Variants in AGPAT4 observed in about 807,000 individuals in gnomAD.
AGPAT4 encodes 1-acyl-sn-glycerol-3-phosphate acyltransferase delta.
In AGPAT4, 15 loss-of-function variants were observed where a neutral mutation model predicts 48.0. That is an observed-to-expected ratio of 0.31 (90% confidence interval 0.21 to 0.48). AGPAT4 has a LOEUF of 0.48. Among genes scored for constraint, AGPAT4 ranks in the 20% least tolerant of loss-of-function variants. The probability of loss-of-function intolerance (pLI) is 0.99; values close to 1 mark genes in which losing one functional copy is unlikely to be tolerated. For missense variants in AGPAT4, 314 were observed against 482.5 expected, an observed-to-expected ratio of 0.65 and a Z score of 3.27; for synonymous variants, 178 against 198.7, an observed-to-expected ratio of 0.90 and a Z score of 0.88.
rs150825992 is a variant in AGPAT4, at chr6:161,154,263, G to A, written c.396C>T (p.Ile132=). 17 of 1,614,010 alleles carry A rather than the reference G, an allele frequency of 1.1e-5. No individual in the cohort carries two copies. Among genetic ancestry groups the A allele is most frequent in the African/African-American group, 4.0e-5 (3 of 74,912 alleles). The part of the protein sequence containing the change: ...AKKELAYVPI[I]GWMWYFTEMV... ...TCTCGGTGAAGTACCACATCCAGCC[G>A]ATAATTGGGACATAGGCCAGCTCTT... The change falls in exon 4 of 9, where the codon ATC becomes ATT. Residue 132 remains isoleucine, a synonymous_variant. Coordinates refer to ENST00000320285, the MANE Select transcript of AGPAT4 (RefSeq NM_020133.3). This position sits in a 1 kb window ranked among gnomAD's most constrained non-coding sequence, Gnocchi z 7.8.
rs753160701 is a variant in AGPAT4 at position 161,148,436 on chromosome 6, G to C, written c.767+751C>G. Among the ~76,000 whole-genome samples the C allele has an allele frequency of 5.9e-5, 9 of 152,180 alleles. No individual in the cohort carries two copies. Among genetic ancestry groups the C allele is most frequent in the Non-Finnish European group, 1.3e-4 (9 of 68,032 alleles). On this transcript the variant is annotated intron_variant, in intron 6 of 8. Coordinates refer to ENST00000320285, the MANE Select transcript of AGPAT4 (RefSeq NM_020133.3). This position sits in a 1 kb window ranked among gnomAD's most constrained non-coding sequence, Gnocchi z 5.5. ...GGAATGTAGGGCCCCTGGATTTTCA[G>C]GGTGCTGTGTTGTAATGTGGCTTCT...
chr6:161,191,813 G>A (rs2115001598), intron 2 of AGPAT4, among the ~76,000 whole-genome samples: 1 of 152,284 alleles, frequency 6.6e-6, no homozygotes, highest in African/African-American at 2.4e-5. Flanking sequence ...ACATAGCATG[G>A]ACAAAACTAA....
In AGPAT4 at chr6:161,249,511, AACAG is replaced by A. The variant is rs1406845325; in HGVS notation, c.-89-17213_-89-17210del. ...CATTAAAAAGTGGGCAAAGGACATG[AACAG>A]ACACTTTTCAGAAGACATACATGAG... On this transcript the variant is annotated intron_variant, in intron 1 of 8. Transcript: ENST00000320285. The surrounding 1 kb of genome is among the most constrained non-coding windows in gnomAD (Gnocchi z 6.2). 2.0e-5 allele frequency among the ~76,000 whole-genome samples: 3 copies of A among 152,254 alleles called. No homozygotes were observed. Among genetic ancestry groups the A allele is most frequent in the South Asian group, 2.1e-4 (1 of 4,834 alleles).
At chr6:161,152,616 CAA>C (rs1215592643) in intron 5 of AGPAT4, among the ~76,000 whole-genome samples, 2 of 152,118 alleles carry the variant, frequency 1.3e-5, no homozygotes, top group Non-Finnish European at 2.9e-5. Flanking sequence ...GGAGAGGAGA[CAA>C]GAGGATAAGG....
intron 2 of AGPAT4, among the ~76,000 whole-genome samples, chr6:161,199,193 C>CA (rs1049190754): frequency 1.3e-5 from 2 of 151,994 alleles, no homozygotes; most frequent in Non-Finnish European, 2.9e-5. Context: ...CAGAAACATA[C>CA]AAAAAAGCTT....
rs1010001202 is a variant in AGPAT4, at chr6:161,137,342, A to C, written c.1043-708T>G. Among the ~76,000 whole-genome samples, 64 of 152,308 alleles carry C rather than the reference A, an allele frequency of 4.2e-4. 1 individual carries two copies. The highest frequency in any genetic ancestry group is 4.1e-3 in the Admixed American group (63 of 15,308). On this transcript the variant is annotated intron_variant, in intron 8 of 8. Coordinates refer to ENST00000320285, the MANE Select transcript of AGPAT4 (RefSeq NM_020133.3). This position sits in a 1 kb window ranked among gnomAD's most constrained non-coding sequence, Gnocchi z 6.1. ...CAGCACTGGGCATGGGGCTTGGAAAACAGTCCATTTATAATACATGCTTAA... is the reference window on the plus strand; with the variant it reads ...CAGCACTGGGCATGGGGCTTGGAAACCAGTCCATTTATAATACATGCTTAA...
rs547126993 is a variant in AGPAT4, at chr6:161,137,595, C to T, written c.1043-961G>A. Among the ~76,000 whole-genome samples, 1 of 152,242 alleles carries T rather than the reference C, an allele frequency of 6.6e-6. No individual in the cohort carries two copies. Among genetic ancestry groups the T allele is most frequent in the South Asian group, 2.1e-4 (1 of 4,824 alleles). On this transcript the variant is annotated intron_variant, in intron 8 of 8. Transcript: ENST00000320285. This position sits in a 1 kb window ranked among gnomAD's most constrained non-coding sequence, Gnocchi z 6.1. ...CAGTGAGAGTGGAGTTATTGTAGAG[C>T]AGAAAGAAGTGAGTAAAACGTGGAC...
At position 161,148,299 on chromosome 6, in the gene AGPAT4, C is replaced by T. The variant is rs749012; in HGVS notation, c.767+888G>A. 0.017 allele frequency among the ~76,000 whole-genome samples: 2,517 copies of T among 152,288 alleles called. 67 individuals carry two copies. Among genetic ancestry groups the T allele is most frequent in the African/African-American group, 0.057 (2,365 of 41,552 alleles). The stretch of plus-strand genomic sequence containing the variant: ...AGTCAGTGATGATGACGATGCTGTC[C>T]TATTTTCATGGGAAAGCCAGAGTCA... On this transcript the variant is annotated intron_variant, in intron 6 of 8. Transcript: ENST00000320285. This position sits in a 1 kb window ranked among gnomAD's most constrained non-coding sequence, Gnocchi z 5.5.
chr6:161,187,935 C>A (rs766280488), intron 2 of AGPAT4, among the ~76,000 whole-genome samples: 31 of 152,096 alleles, frequency 2.0e-4, no homozygotes, highest in Non-Finnish European at 3.8e-4. Flanking sequence ...AAGATAAATA[C>A]CTGCTCTAAA....
intron 2 of AGPAT4, among the ~76,000 whole-genome samples, chr6:161,194,681 GGTATGTAT>G (rs1212429755): frequency 2.0e-5 from 3 of 151,784 alleles, no homozygotes; most frequent in African/African-American, 7.3e-5. Flanking sequence ...TAGATGCGTA[GGTATGTAT>G]GTATGTATTG....
rs1779925494 is a variant in AGPAT4, at chr6:161,161,275, A to G, written c.348+4973T>C. On this transcript the variant is annotated intron_variant, in intron 3 of 8. Transcript: ENST00000320285. The surrounding 1 kb of genome is among the most constrained non-coding windows in gnomAD (Gnocchi z 4.6). ...CAGATGAGCATGCGCTCCCACCTCC[A>G]GGATGGTAGTCGGTATGAACCCGCG... The G allele has an allele frequency of 2.2e-6, 1 of 456,630 alleles. No homozygotes were observed. The highest frequency in any genetic ancestry group is 2.0e-5 in the African/African-American group (1 of 50,090). 28.3% of individuals were successfully genotyped at this position (456,630 alleles called of 1,614,324 possible).
chr6:161,166,477 C>G lies in AGPAT4; in HGVS notation c.179-60G>C, dbSNP rs538939839. ...ATGCAGCCTTGTCCTGGGAGCCCTG[C>G]TGAGAGCAGGGCTCTGCCCTCCCAG... is the stretch of plus-strand genomic sequence containing the variant. On this transcript the variant is annotated intron_variant, in intron 2 of 8. Transcript: ENST00000320285. This position sits in a 1 kb window ranked among gnomAD's most constrained non-coding sequence, Gnocchi z 6.7. 5.5e-5 allele frequency: 84 copies of G among 1,526,206 alleles called. No homozygotes were observed. Among genetic ancestry groups the G allele is most frequent in the Middle Eastern group, 2.5e-4 (1 of 4,078 alleles). 94.5% of individuals were successfully genotyped at this position (1,526,206 alleles called of 1,614,324 possible). A position where few individuals can be genotyped will look rare whatever the true frequency, so the allele number is the denominator to read the frequency against.
rs1778941687 is a variant in AGPAT4 at position 161,132,756 on chromosome 6, G to C, written c.*3784C>G. 6.6e-6 allele frequency: 1 copy of C among 152,250 alleles called. No homozygotes were observed. The highest frequency in any genetic ancestry group is 6.5e-5 in the Admixed American group (1 of 15,282). The allele number at this position is 152,250 out of a possible 1,614,324, so 9.4% of individuals were successfully genotyped here. ...TCAGTTAAGGCATCGTGAGACACAGGTGTGGTGGAGGCATTATGAGGGGAC... is the reference window on the plus strand; with the variant it reads ...TCAGTTAAGGCATCGTGAGACACAGCTGTGGTGGAGGCATTATGAGGGGAC... On this transcript the variant is annotated 3_prime_UTR_variant, in exon 9 of 9. Coordinates refer to ENST00000320285, the MANE Select transcript of AGPAT4 (RefSeq NM_020133.3).
rs1402113414 is a variant in AGPAT4, at chr6:161,229,210, C to T, written c.178+2826G>A. On this transcript the variant is annotated intron_variant, in intron 2 of 8. Coordinates refer to ENST00000320285, the MANE Select transcript of AGPAT4 (RefSeq NM_020133.3). This position sits in a 1 kb window ranked among gnomAD's most constrained non-coding sequence, Gnocchi z 6.0. ...AGCGAACACAGAGATGGAAGGGCTC[C>T]GTGTCTCAAGGAAACATTTTTTTCT... is the stretch of plus-strand genomic sequence containing the variant. 6.6e-6 allele frequency among the ~76,000 whole-genome samples: 1 copy of T among 151,990 alleles called. No individual in the cohort carries two copies. The highest frequency in any genetic ancestry group is 2.4e-5 in the African/African-American group (1 of 41,376).
At chr6:161,239,331 T>A (rs570812057) in intron 1 of AGPAT4, among the ~76,000 whole-genome samples, 1 of 152,330 alleles carries the variant, frequency 6.6e-6, no homozygotes, top group African/African-American at 2.4e-5. Context: ...ATGCATTAAA[T>A]TAGGCAACAA....
rs1426120700 is a variant in AGPAT4, at chr6:161,169,359, G to A, written c.179-2942C>T. On this transcript the variant is annotated intron_variant, in intron 2 of 8. Coordinates refer to ENST00000320285, the MANE Select transcript of AGPAT4 (RefSeq NM_020133.3). The surrounding 1 kb of genome is among the most constrained non-coding windows in gnomAD (Gnocchi z 5.0). ...GCACAGCGAGAGGGGATGGTGCTGG[G>A]ACCAGGTGGGGGAAGACCAAATTTC... Among the ~76,000 whole-genome samples, 1 of 152,226 alleles carries A rather than the reference G, an allele frequency of 6.6e-6. No homozygotes were observed. Among genetic ancestry groups the A allele is most frequent in the Non-Finnish European group, 1.5e-5 (1 of 68,040 alleles).
rs1779527436 is a variant in AGPAT4 at position 161,149,464 on chromosome 6, CT to C, written c.665-176del. Among the ~76,000 whole-genome samples, 1 of 152,140 alleles carries C rather than the reference CT, an allele frequency of 6.6e-6. No homozygotes were observed. Among genetic ancestry groups the C allele is most frequent in the Non-Finnish European group, 1.5e-5 (1 of 68,022 alleles). ...ATGTTCTACACTGAATGTGTATTAT[CT>C]TTTGTAATCATAAAATCCCACTAGA... On this transcript the variant is annotated intron_variant, in intron 5 of 8. Coordinates refer to ENST00000320285, the MANE Select transcript of AGPAT4 (RefSeq NM_020133.3). This position sits in a 1 kb window ranked among gnomAD's most constrained non-coding sequence, Gnocchi z 6.5.
At chr6:161,263,316 C>T (rs913315603) in intron 1 of AGPAT4, among the ~76,000 whole-genome samples, 8 of 152,116 alleles carry the variant, frequency 5.3e-5, no homozygotes, top group African/African-American at 1.9e-4. Context: ...ATGGTGAAAC[C>T]CTGTCTCTAC....
At position 161,201,807 on chromosome 6, in the gene AGPAT4, G is replaced by GC. The variant is rs2115010629; in HGVS notation, c.178+30228dup. On this transcript the variant is annotated intron_variant, in intron 2 of 8. Transcript: ENST00000320285. This position sits in a 1 kb window ranked among gnomAD's most constrained non-coding sequence, Gnocchi z 6.0. ...TGGCTCTCTTCATTCTCTAACCAGT[G>GC]CAAGAGGAAGTCCCATTTCACAGAC... Among the ~76,000 whole-genome samples, 1 of 152,324 alleles carries GC rather than the reference G, an allele frequency of 6.6e-6. No individual in the cohort carries two copies. The highest frequency in any genetic ancestry group is 6.5e-5 in the Admixed American group (1 of 15,304).
Sources: allele counts gnomAD v4.1 joint callset (sites outside exome capture counted in the v4.1 genomes callset), GRCh38; gene constraint gnomAD v4.1.1; non-coding constraint Gnocchi (gnomAD v3.1); transcripts MANE v1.5; gene names NCBI Gene and HGNC (gene_info 2026-07-23, HGNC 2026-07-21).